CFAP46: variants seen among roughly 807,000 people sequenced by gnomAD.
CFAP46 encodes cilia- and flagella-associated protein 46.
CFAP46 carries 245 observed loss-of-function variants against 325.7 expected under a neutral mutation model. That is an observed-to-expected ratio of 0.75 (90% CI 0.68 to 0.84). The LOEUF is 0.84. Ranked by LOEUF, CFAP46 falls within the 40% of genes least tolerant of loss-of-function variation. The pLI, the probability that CFAP46 is intolerant of heterozygous loss-of-function variation, is 0.00. For missense variants in CFAP46, 3,346 were observed against 3,543.0 expected, an observed-to-expected ratio of 0.94 and a Z score of 1.41; for synonymous variants, 1,523 against 1,495.9, an observed-to-expected ratio of 1.02 and a Z score of -0.42.
intron 35 of CFAP46, among the ~76,000 whole-genome samples, chr10:132,862,486 T>C (rs1848737200): frequency 6.6e-6 from 1 of 150,942 alleles, no homozygotes; most frequent in Admixed American, 6.6e-5. Flanking sequence ...GGGTTTCCAG[T>C]GCCGACACTG....
intron 34 of CFAP46, 147 bp downstream of exon 34, chr10:132,867,227 CT>C (rs1848827723): frequency 1.2e-6 from 1 of 858,574 alleles, no homozygotes; most frequent in African/African-American, 1.7e-5. Context: ...AGGCCGGCCC[CT>C]CACACACTGA....
chr10:132,860,703 G>A (rs1240836819), intron 36 of CFAP46, 79 bp downstream of exon 36: 3 of 1,451,624 alleles, frequency 2.1e-6, no homozygotes, highest in African/African-American at 1.4e-5. Context: ...GCCAGGCAGA[G>A]CCCCATGGAC....
At chr10:132,812,985 G>A (rs1203657042) in intron 54 of CFAP46, 88 bp from the exon 55 acceptor site, 15 of 985,836 alleles carry the variant, frequency 1.5e-5, no homozygotes, top group South Asian at 4.1e-5. Context: ...CACATCCTGC[G>A]TGGTCCACGC....
rs1591049814 is a variant in CFAP46 at position 132,847,049 on chromosome 10, T to C, written c.6150A>G (p.Leu2050=). 1 of 1,612,568 alleles carries C rather than the reference T, an allele frequency of 6.2e-7. No homozygotes were observed. The highest frequency in any genetic ancestry group is 2.2e-5 in the East Asian group (1 of 44,856). The change falls in exon 43 of 58, where the codon CTA becomes CTG. Residue 2050 remains leucine, a synonymous_variant. Transcript: ENST00000368586. This position sits in a 1 kb window ranked among gnomAD's most constrained non-coding sequence, Gnocchi z 5.2. ...GGAGGCCACTGCCAAGGGCCACCTG[T>C]AGGCACTGCAGCAGCACCTCTGACG... ...AQASEVLLQC[L]QVALGSGLLD...
At chr10:132,873,982 T>C (rs1362841141) in intron 31 of CFAP46, among the ~76,000 whole-genome samples, 1 of 152,070 alleles carries the variant, frequency 6.6e-6, no homozygotes, top group Non-Finnish European at 1.5e-5. Context: ...ATGAAATAAA[T>C]TGGATCCATA....
In CFAP46 at chr10:132,861,890, G is replaced by A. The variant is rs140325872; in HGVS notation, c.4891-908C>T. Among the ~76,000 whole-genome samples, 1,418 of 152,306 alleles carry A rather than the reference G, an allele frequency of 9.3e-3. 12 individuals carry two copies. Among genetic ancestry groups the A allele is most frequent in the South Asian group, 0.043 (210 of 4,830 alleles). ...GGCTGATGAGCTGGGGCTACCCGCC[G>A]CCAGAGAGCAGGTGTCCCAGCTGCT... On this transcript the variant is annotated intron_variant, in intron 35 of 57. Transcript: ENST00000368586.
At position 132,851,174 on chromosome 10, in the gene CFAP46, C is replaced by T; in HGVS notation, c.5706G>A (p.Leu1902=). Residue 1902 remains leucine, a synonymous_variant, in exon 40 of 58, where the codon CTG becomes CTA. Transcript: ENST00000368586. ...GCAGATAGTCCGCCAGCAGCTTCTC[C>T]AGGGACCCCTGCTCACTCTGCTGCC... ...AHGQQSEQGS[L]EKLLADYLQN... The T allele has an allele frequency of 6.2e-7, 1 of 1,614,148 alleles. No individual in the cohort carries two copies. Among genetic ancestry groups the T allele is most frequent in the East Asian group, 2.2e-5 (1 of 44,878 alleles).
chr10:132,899,212 G>A (rs1849360232), intron 23 of CFAP46, 91 bp from the exon 24 acceptor site: 2 of 1,385,890 alleles, frequency 1.4e-6, no homozygotes, highest in Admixed American at 2.4e-5. Context: ...GGCGCCCAGG[G>A]CCCAGCCACA....
In CFAP46 at chr10:132,913,122, G is replaced by C. The variant is rs950695707; in HGVS notation, c.2257C>G (p.Leu753Val). Residue 753 changes from leucine (L) to valine (V), a missense_variant, in exon 18 of 58, where the codon CTG (leucine) becomes GTG (valine). Transcript: ENST00000368586. ...YVLNHNHHLI[L>V]AGRQKELVDA... ...ACCAGCTCCTTCTGCCGCCCGGCCA[G>C]GATCAGGTGGTGGTTGTGGTTCAGG... is the stretch of plus-strand genomic sequence containing the variant. 53 of 1,550,312 alleles carry C rather than the reference G, an allele frequency of 3.4e-5. No individual in the cohort carries two copies. The highest frequency in any genetic ancestry group is 4.4e-5 in the Non-Finnish European group (50 of 1,147,000).
chr10:132,829,582 T>C (rs1175232547), intron 50 of CFAP46, among the ~76,000 whole-genome samples: 9 of 152,356 alleles, frequency 5.9e-5, no homozygotes, highest in African/African-American at 2.2e-4. Context: ...GACACTGCAG[T>C]GAGCGGCCCT....
At chr10:132,862,727 G>A (rs190214931) in intron 35 of CFAP46, among the ~76,000 whole-genome samples, 20 of 151,852 alleles carry the variant, frequency 1.3e-4, no homozygotes, top group South Asian at 4.2e-4. Flanking sequence ...AGAGAGCCCC[G>A]CGGAGGAGAG....
chr10:132,911,344 T>A (rs1448888426), intron 19 of CFAP46, among the ~76,000 whole-genome samples: 3 of 152,126 alleles, frequency 2.0e-5, no homozygotes, highest in African/African-American at 7.2e-5. Flanking sequence ...GCGTTGTGAG[T>A]GCCGGGCCGC....
chr10:132,891,402 C>T (rs916731392), intron 25 of CFAP46, among the ~76,000 whole-genome samples: 3 of 152,214 alleles, frequency 2.0e-5, no homozygotes, highest in Non-Finnish European at 4.4e-5. Flanking sequence ...CCAGCATCCA[C>T]ATGAAAACAG....
Position 132,834,779 on chromosome 10 carries a change from C to T in CFAP46, c.6745-4G>A, listed in dbSNP as rs568018552. The T allele has an allele frequency of 1.2e-6, 2 of 1,608,514 alleles. No individual in the cohort carries two copies. The highest frequency in any genetic ancestry group is 4.5e-5 in the East Asian group (2 of 44,714). ...CCACCTGCAGGCCTTCTGGTTCCTA[C>T]CGCAATCCAAAAAAGAGGCCCCCGT... On this transcript the variant is annotated splice_region_variant and splice_polypyrimidine_tract_variant and intron_variant, in intron 47 of 57. Coordinates refer to ENST00000368586, the MANE Select transcript of CFAP46 (RefSeq NM_001200049.3).
In CFAP46 at chr10:132,852,190, T is replaced by C. The variant is rs376169566; in HGVS notation, c.5575-885A>G. On this transcript the variant is annotated intron_variant, in intron 39 of 57. Coordinates refer to ENST00000368586, the MANE Select transcript of CFAP46 (RefSeq NM_001200049.3). ...CATTTACTTAAGAATTCTCAGATCC[T>C]GATCCACAGACGTGGTATGTTCCTC... Among the ~76,000 whole-genome samples, 149 of 140,294 alleles carry C rather than the reference T, an allele frequency of 1.1e-3. No homozygotes were observed. The East Asian group carries it at 0.019, about 18-fold the overall frequency. The allele number at this position is 140,294 out of a possible 152,430, so 92.0% of individuals were successfully genotyped here.
intron 9 of CFAP46, among the ~76,000 whole-genome samples, chr10:132,927,328 C>T (rs1001294226): frequency 6.2e-4 from 93 of 151,150 alleles, no homozygotes; most frequent in Non-Finnish European, 2.8e-4. Flanking sequence ...CGGCGGCAGA[C>T]GCCTCCGTCC....
intron 35 of CFAP46, among the ~76,000 whole-genome samples, chr10:132,863,308 G>A (rs1316744655): frequency 6.6e-6 from 1 of 152,128 alleles, no homozygotes; most frequent in Non-Finnish European, 1.5e-5. Flanking sequence ...CTCTTGCCCC[G>A]GGAGCTCCCA....
At chr10:132,822,498 TGTGTGCTGTGTGCTGATGTGTGCTGAC>T (rs1393052847) in intron 50 of CFAP46, among the ~76,000 whole-genome samples, 1 of 131,886 alleles carries the variant, frequency 7.6e-6, no homozygotes, top group African/African-American at 2.9e-5. Flanking sequence ...TGTGTGCTGA[TGTGTGCTGTGTGCTGATGTGTGCTGAC>T]GTGTGCTGTG....
At chr10:132,896,452 G>A (rs1308257302) in intron 24 of CFAP46, among the ~76,000 whole-genome samples, 1 of 152,238 alleles carries the variant, frequency 6.6e-6, no homozygotes, top group East Asian at 1.9e-4. Context: ...TTTTGTTATG[G>A]CAGCCCAAGC....
Sources: allele counts gnomAD v4.1 joint callset (sites outside exome capture counted in the v4.1 genomes callset), GRCh38; gene constraint gnomAD v4.1.1; non-coding constraint Gnocchi (gnomAD v3.1); transcripts MANE v1.5; gene names NCBI Gene and HGNC (gene_info 2026-07-23, HGNC 2026-07-21).